MVP: variants seen among roughly 807,000 people sequenced by gnomAD.
MVP encodes the protein lung resistance-related protein.
Under a neutral mutation model 83.5 loss-of-function variants are expected in MVP, and 62 were observed. That is an observed-to-expected ratio of 0.74 (90% CI 0.61 to 0.92). The LOEUF is 0.92. Ranked by LOEUF, MVP falls within the 40% of genes least tolerant of loss-of-function variation. The pLI is 0.00. For missense variants in MVP, 1,000 were observed against 1,203.4 expected (o/e 0.83, Z 2.50); for synonymous variants, 505 against 504.1 (o/e 1.00, Z -0.02).
chr16:29,832,263 A>G lies in MVP; in HGVS notation c.321+1190A>G, dbSNP rs1251251557. ...TAAGACAATAACCCTTAAGGAATCC[A>G]AGTGAAAAGTATATAGGGATTCTTG... On this transcript the variant is annotated intron_variant, in intron 3 of 14. Coordinates refer to ENST00000357402, the MANE Select transcript of MVP (RefSeq NM_005115.5). 2.0e-5 allele frequency among the ~76,000 whole-genome samples: 3 copies of G among 151,440 alleles called. No individual in the cohort carries two copies. In the East Asian group the frequency reaches 5.8e-4, roughly 29 times the overall value.
chr16:29,845,728 G>C (rs566637508), intron 11 of MVP, 135 bp from the exon 12 acceptor site: 158 of 661,284 alleles, frequency 2.4e-4, no homozygotes, highest in Middle Eastern at 1.2e-3. Context: ...ATTCTGGGTT[G>C]AGTTGCGTAT....
At chr16:29,845,792 C>T (rs2067579348) in intron 11 of MVP, 71 bp from the exon 12 acceptor site, 13 of 1,419,020 alleles carry the variant, frequency 9.2e-6, no homozygotes, top group East Asian at 2.3e-5. Flanking sequence ...GGTTGGTGGC[C>T]GCTGCCCTTG....
rs1375868244 is a variant in MVP at position 29,840,348 on chromosome 16, C to T, written c.1080C>T (p.Arg360=). 10 of 1,608,560 alleles carry T rather than the reference C, an allele frequency of 6.2e-6. No homozygotes were observed. In the African/African-American group the frequency reaches 6.7e-5, roughly 11 times the overall value. The change falls in exon 8 of 15, where the codon CGC becomes CGT. Residue 360 remains arginine, a synonymous_variant. Transcript: ENST00000357402. ...AGGCTGGGGACCACTGGCTCATCCG[C>T]GGACCCCTGGAGTATGTGCCATCTG... The part of the protein sequence containing the change: ...SHQAGDHWLI[R]GPLEYVPSAK...
At chr16:29,832,852 G>A (rs1361022263) in intron 3 of MVP, among the ~76,000 whole-genome samples, 2 of 151,880 alleles carry the variant, frequency 1.3e-5, no homozygotes, top group African/African-American at 4.8e-5. Context: ...ATCACTTGAG[G>A]TCAGGAGTTT....
intron 10 of MVP, among the ~76,000 whole-genome samples, chr16:29,844,205 A>C (rs866282071): frequency 6.6e-6 from 1 of 152,306 alleles, no homozygotes; most frequent in South Asian, 2.1e-4. Flanking sequence ...GGATTAAAGG[A>C]GAACGTGTGT....
chr16:29,842,054 G>A lies in MVP; in HGVS notation c.1576G>A (p.Val526Ile), dbSNP rs371497912. The change falls in exon 10 of 15, where the codon GTC becomes ATC. Residue 526 changes from valine (V) to isoleucine (I), a missense_variant. Physicochemically the swap from Val to Ile is conservative, Grantham distance 29. Transcript: ENST00000357402. Reference sequence around the variant, plus strand: ...GCTGGGGCCTGACTTCTTCACAGACGTCATCACCATCGAAACGGCGGATCA... The same window carrying A: ...GCTGGGGCCTGACTTCTTCACAGACATCATCACCATCGAAACGGCGGATCA... ...LLLGPDFFTD[V>I]ITIETADHAR... is the part of the protein sequence containing the mutation. The A allele has an allele frequency of 2.7e-5, 43 of 1,609,656 alleles. No individual in the cohort carries two copies. Among genetic ancestry groups the A allele is most frequent in the African/African-American group, 4.0e-5 (3 of 74,920 alleles).
intron 5 of MVP, chr16:29,835,277 T>G (rs2067476498): frequency 6.4e-6 from 1 of 155,658 alleles, no homozygotes; most frequent in Admixed American, 6.4e-5. Flanking sequence ...GCGGATCACT[T>G]GAGGCCAGGA....
rs202226894 is a variant in MVP at position 29,840,312 on chromosome 16, G to T, written c.1044G>T (p.Lys348Asn). 6 of 1,613,210 alleles carry T rather than the reference G, an allele frequency of 3.7e-6. No homozygotes were observed. In the East Asian group the frequency reaches 1.3e-4, roughly 36 times the overall value. The change falls in exon 8 of 15, where the codon AAG becomes AAT. Residue 348 changes from lysine to asparagine, a missense_variant. Lys to Asn is a moderately conservative substitution (Grantham distance 94). Transcript: ENST00000357402. ...QPLEEGEDEE[K>N]VSHQAGDHWL... is the part of the protein sequence containing the mutation. ...TGGAGGAGGGGGAGGATGAGGAGAAGGTCTCACACCAGGCTGGGGACCACT... is the reference window on the plus strand; with the variant it reads ...TGGAGGAGGGGGAGGATGAGGAGAATGTCTCACACCAGGCTGGGGACCACT...
chr16:29,842,296 T>C (rs1272669662), intron 10 of MVP, among the ~76,000 whole-genome samples, 184 bp downstream of exon 10: 1 of 151,960 alleles, frequency 6.6e-6, no homozygotes, highest in African/African-American at 2.4e-5. Flanking sequence ...TTTAGTTTTT[T>C]GGTTTTTTGG....
chr16:29,827,405 G>T (rs2067411589), intron 1 of MVP, among the ~76,000 whole-genome samples: 2 of 152,158 alleles, frequency 1.3e-5, no homozygotes, highest in Non-Finnish European at 2.9e-5. Context: ...GATCAGAGTT[G>T]TAAGCCCGGG....
chr16:29,830,854 A>T (rs1042112987), intron 2 of MVP, 24 bp from the exon 3 acceptor site: 6 of 1,602,090 alleles, frequency 3.7e-6, no homozygotes, highest in Non-Finnish European at 5.1e-6. Context: ...CCAGGTCCTC[A>T]CACCTCTTCT....
chr16:29,822,037 G>A (rs1392553069), intron 1 of MVP, among the ~76,000 whole-genome samples: 2 of 152,076 alleles, frequency 1.3e-5, no homozygotes, highest in Admixed American at 6.6e-5. Context: ...ACCAGCCTGA[G>A]CAACATAGCG....
At chr16:29,824,543 T>C (rs2067392008) in intron 1 of MVP, among the ~76,000 whole-genome samples, 1 of 152,196 alleles carries the variant, frequency 6.6e-6, no homozygotes, top group Admixed American at 6.5e-5. Flanking sequence ...GGCAGGCAGA[T>C]TGCCTGAGCT....
Position 29,835,778 on chromosome 16 carries a change from G to A in MVP, c.652G>A (p.Ala218Thr), listed in dbSNP as rs778508731. Residue 218 changes from alanine (A) to threonine (T), a missense_variant, in exon 6 of 15, where the codon GCC (alanine) becomes ACC (threonine). Ala to Thr is a moderately conservative substitution (Grantham distance 58). Transcript: ENST00000357402. ...VFEEVLDLVD[A>T]VILTEKTALH... ...TGAGGAGGTTCTGGATTTGGTGGACGCCGTCATCCTTACGGAAAAGGTTGG... is the reference window on the plus strand; with the variant it reads ...TGAGGAGGTTCTGGATTTGGTGGACACCGTCATCCTTACGGAAAAGGTTGG... The A allele has an allele frequency of 3.2e-5, 51 of 1,613,712 alleles. No homozygotes were observed. The South Asian group carries it at 3.6e-4, about 11-fold the overall frequency.
Position 29,845,994 on chromosome 16 carries a change from AGAG to A in MVP, c.2138+22_2138+24del. 2 of 1,613,968 alleles carry A rather than the reference AGAG, an allele frequency of 1.2e-6. No homozygotes were observed. Among genetic ancestry groups the A allele is most frequent in the Non-Finnish European group, 1.7e-6 (2 of 1,179,792 alleles). On this transcript the variant is annotated intron_variant, in intron 12 of 14. Transcript: ENST00000357402. ...GAGGCTCTGAGGTGGGTTGAGAACT[AGAG>A]GAGGAGACTGGCAGGGGCCGAGGGT...
At chr16:29,838,419 G>C (rs1235484494) in intron 7 of MVP, among the ~76,000 whole-genome samples, 6 of 149,088 alleles carry the variant, frequency 4.0e-5, no homozygotes. Flanking sequence ...CTGGGTGACA[G>C]AGCAAGACTG....
At chr16:29,838,011 G>A (rs931193790) in intron 7 of MVP, among the ~76,000 whole-genome samples, 18 of 152,204 alleles carry the variant, frequency 1.2e-4, no homozygotes, top group African/African-American at 3.9e-4. Context: ...TCCAGGCTCC[G>A]TGAGTCATTG....
In MVP at chr16:29,827,982, CAG is replaced by C. The variant is rs554485251; in HGVS notation, c.-35-2530_-35-2529del. Among the ~76,000 whole-genome samples, 539 of 152,212 alleles carry C rather than the reference CAG, an allele frequency of 3.5e-3. 4 individuals are homozygous for C. Among genetic ancestry groups the C allele is most frequent in the African/African-American group, 0.012 (502 of 41,536 alleles). On this transcript the variant is annotated intron_variant, in intron 1 of 14. Transcript: ENST00000357402. ...CATTTTATTTTATTTTTTTCCAAGACAGAGTCTTGCTCTGTCGCCCAGGGCTG... is the reference window on the plus strand; with the variant it reads ...CATTTTATTTTATTTTTTTCCAAGACAGTCTTGCTCTGTCGCCCAGGGCTG...
chr16:29,843,509 G>A (rs1274322677), intron 10 of MVP, among the ~76,000 whole-genome samples: 2 of 12,832 alleles, frequency 1.6e-4, no homozygotes, highest in Admixed American at 6.4e-4. Flanking sequence ...TCGGAGGAAG[G>A]GAGGAAGGGA....
Sources: gnomAD v4.1 joint callset for allele counts (sites outside exome capture counted in the v4.1 genomes callset) on GRCh38, gnomAD v4.1.1 for gene constraint, MANE v1.5 for transcripts, NCBI Gene and HGNC (gene_info 2026-07-23, HGNC 2026-07-21) for gene names.